The following MCC variants were observed in gnomAD, a reference collection of about 807,000 sequenced individuals.
MCC encodes the protein MCC regulator of Wnt signaling pathway.
A neutral mutation model predicts 116.2 loss-of-function variants in MCC; 90 were observed. The observed-to-expected ratio is 0.77, with a 90% CI of 0.65 to 0.92. The LOEUF is 0.92. MCC is among the 40% of genes least tolerant of loss of function. The probability of loss-of-function intolerance (pLI) is 0.00; values close to 1 mark genes in which losing one functional copy is unlikely to be tolerated. For synonymous variants in MCC, 578 were observed against 510.5 expected (o/e 1.13, Z -1.78); for missense variants, 1,516 against 1,312.2 (o/e 1.16, Z -2.40).
At chr5:113,182,235 T>C (rs1761664952) in intron 3 of MCC, among the ~76,000 whole-genome samples, 1 of 152,224 alleles carries the variant, frequency 6.6e-6, no homozygotes, top group African/African-American at 2.4e-5. Context: ...ATACAGATTC[T>C]CTTCATTCAG....
chr5:113,190,743 C>T (rs1762116555), intron 3 of MCC, among the ~76,000 whole-genome samples: 1 of 152,196 alleles, frequency 6.6e-6, no homozygotes, highest in South Asian at 2.1e-4. Flanking sequence ...CCAGGAGAAC[C>T]CAGGGCAGGG....
chr5:113,035,447 A>G (rs1751267237), intron 17 of MCC, among the ~76,000 whole-genome samples: 1 of 152,122 alleles, frequency 6.6e-6, no homozygotes, highest in African/African-American at 2.4e-5. Flanking sequence ...CCCAGGTAAC[A>G]TTTCACATGA....
At position 113,338,684 on chromosome 5, in the gene MCC, G is replaced by C. The variant is rs114342935; in HGVS notation, c.627+1835C>G. 2.7e-3 allele frequency among the ~76,000 whole-genome samples: 416 copies of C among 152,328 alleles called. 3 individuals are homozygous for C. The highest frequency in any genetic ancestry group is 9.6e-3 in the African/African-American group (400 of 41,564). ...AAGGCTGAGCTGATATAGTACAGAG[G>C]AGGGTTCAACTTGCTGCAAATTATT... On this transcript the variant is annotated intron_variant, in intron 3 of 18. Coordinates refer to ENST00000408903, the MANE Select transcript of MCC (RefSeq NM_001085377.2).
chr5:113,302,811 A>G (rs1388095866), intron 3 of MCC, among the ~76,000 whole-genome samples: 1 of 152,238 alleles, frequency 6.6e-6, no homozygotes, highest in Non-Finnish European at 1.5e-5. Context: ...AAGTTAAATC[A>G]AGATAATTAT....
chr5:113,369,009 T>C (rs1345140910), intron 2 of MCC, among the ~76,000 whole-genome samples: 1 of 152,190 alleles, frequency 6.6e-6, no homozygotes, highest in Non-Finnish European at 1.5e-5. Flanking sequence ...ACAAAGGATA[T>C]TGTAAGGGAA....
Position 113,093,469 on chromosome 5 carries a change from A to ATTC in MCC, c.1399-8160_1399-8159insGAA, listed in dbSNP as rs1554117473. On this transcript the variant is annotated intron_variant, in intron 8 of 18. Coordinates refer to ENST00000408903, the MANE Select transcript of MCC (RefSeq NM_001085377.2). ...ATCTATCTTATCTATCTATCTGTTG[A>ATTC]TCTCTCTCTCTCTCTCTCTCTCAAT... Among the ~76,000 whole-genome samples, 18 of 149,296 alleles carry ATTC rather than the reference A, an allele frequency of 1.2e-4. 1 individual carries two copies. In the Middle Eastern group the frequency reaches 0.011, roughly 88 times the overall value.
At chr5:113,076,613 G>C (rs1486274588) in intron 11 of MCC, among the ~76,000 whole-genome samples, 4 of 152,178 alleles carry the variant, frequency 2.6e-5, no homozygotes, top group Admixed American at 2.6e-4. Context: ...CAAATGCTGA[G>C]AGATTTTGTC....
At chr5:113,074,725 G>T (rs891364070) in intron 11 of MCC, among the ~76,000 whole-genome samples, 1 of 152,216 alleles carries the variant, frequency 6.6e-6, no homozygotes, top group East Asian at 1.9e-4. Context: ...CACGGCACAA[G>T]AACTACATGA....
intron 1 of MCC, among the ~76,000 whole-genome samples, chr5:113,406,024 C>T (rs546874390): frequency 2.0e-5 from 3 of 152,152 alleles, no homozygotes; most frequent in East Asian, 1.9e-4. Flanking sequence ...GTCTCAAAAG[C>T]GGCACAATTC....
At chr5:113,478,744 G>C (rs771111997) in intron 1 of MCC, among the ~76,000 whole-genome samples, 2 of 152,164 alleles carry the variant, frequency 1.3e-5, no homozygotes, top group African/African-American at 4.8e-5. Flanking sequence ...CTTTAGATAA[G>C]AGGAATCTGT....
At chr5:113,098,559 A>G (rs1031908725) in intron 8 of MCC, among the ~76,000 whole-genome samples, 39 of 152,230 alleles carry the variant, frequency 2.6e-4, no homozygotes, top group African/African-American at 9.4e-4. Context: ...GCAAACAGAA[A>G]TAAATGATTG....
chr5:113,362,566 A>G (rs1418596547), intron 2 of MCC, among the ~76,000 whole-genome samples: 3 of 152,106 alleles, frequency 2.0e-5, no homozygotes, highest in Admixed American at 6.6e-5. Context: ...AGTTAACAAG[A>G]AACATGCTAA....
intron 2 of MCC, among the ~76,000 whole-genome samples, chr5:113,349,418 C>G (rs1234280502): frequency 6.6e-6 from 1 of 152,116 alleles, no homozygotes; most frequent in African/African-American, 2.4e-5. Context: ...ATGTGATACT[C>G]ATATCAACTG....
At chr5:113,242,660 C>A (rs1013883528) in intron 3 of MCC, among the ~76,000 whole-genome samples, 2 of 151,972 alleles carry the variant, frequency 1.3e-5, no homozygotes, top group African/African-American at 2.4e-5. Context: ...GTGCCCAGGG[C>A]ATTGCACTTC....
At chr5:113,183,430 C>A (rs1466853228) in intron 3 of MCC, among the ~76,000 whole-genome samples, 1 of 152,206 alleles carries the variant, frequency 6.6e-6, no homozygotes, top group Non-Finnish European at 1.5e-5. Context: ...TAAAAACATT[C>A]TTTCTTGTCT....
chr5:113,080,222 A>C (rs2150241119), intron 11 of MCC, among the ~76,000 whole-genome samples: 1 of 152,390 alleles, frequency 6.6e-6, no homozygotes, highest in East Asian at 1.9e-4. Context: ...AAACTAGTTC[A>C]ACCATTGTGG....
At chr5:113,297,765 AAAAAAAAAAG>A (rs1766751013) in intron 3 of MCC, among the ~76,000 whole-genome samples, 1 of 151,002 alleles carries the variant, frequency 6.6e-6, no homozygotes, top group Non-Finnish European at 1.5e-5. Context: ...AAAAAAAAAA[AAAAAAAAAAG>A]AAGGGACAAT....
At chr5:113,447,262 A>G (rs556483708) in intron 1 of MCC, among the ~76,000 whole-genome samples, 154 of 152,294 alleles carry the variant, frequency 1.0e-3, no homozygotes, top group African/African-American at 3.3e-3. Flanking sequence ...GACAAAGAAA[A>G]CACCTTTCTT....
chr5:113,424,294 A>G (rs1356439927), intron 1 of MCC, among the ~76,000 whole-genome samples: 1 of 152,194 alleles, frequency 6.6e-6, no homozygotes, highest in East Asian at 1.9e-4. Flanking sequence ...AATTAAAAAT[A>G]TAAAAAAGAA....
Sources: allele counts gnomAD v4.1 joint callset (sites outside exome capture counted in the v4.1 genomes callset), GRCh38; gene constraint gnomAD v4.1.1; transcripts MANE v1.5; gene names NCBI Gene and HGNC (gene_info 2026-07-23, HGNC 2026-07-21).